The following HPSE2 variants were observed in gnomAD, a reference collection of about 807,000 sequenced individuals.
HPSE2 encodes inactive heparanase-2.
HPSE2 carries 38 observed loss-of-function variants against 60.5 expected under a neutral mutation model. The ratio of observed to expected loss-of-function variants is 0.63; its 90% confidence interval spans 0.48 to 0.82. HPSE2 has a LOEUF of 0.82. HPSE2 is among the 40% of genes least tolerant of loss of function. The pLI is 0.00. For missense variants in HPSE2, 713 were observed against 740.4 expected, an observed-to-expected ratio of 0.96 and a Z score of 0.43; for synonymous variants, 295 against 293.2, an observed-to-expected ratio of 1.01 and a Z score of -0.06.
intron 7 of HPSE2, among the ~76,000 whole-genome samples, chr10:98,624,585 C>T (rs553643862): frequency 4.6e-5 from 7 of 152,132 alleles, no homozygotes; most frequent in African/African-American, 1.7e-4. Flanking sequence ...CCTGCAGCTG[C>T]TATGAGATCA....
chr10:98,605,612 G>A (rs1945557725), intron 9 of HPSE2, among the ~76,000 whole-genome samples: 1 of 152,162 alleles, frequency 6.6e-6, no homozygotes, highest in South Asian at 2.1e-4. Context: ...ACCAAGTTCA[G>A]TCGGGGATCC....
intron 9 of HPSE2, among the ~76,000 whole-genome samples, chr10:98,533,217 G>A (rs1043004255): frequency 1.3e-5 from 2 of 152,174 alleles, no homozygotes; most frequent in Non-Finnish European, 2.9e-5. Context: ...AGCCAATGGC[G>A]AGGACTACAA....
At chr10:98,521,744 T>A (rs937329658) in intron 9 of HPSE2, among the ~76,000 whole-genome samples, 1 of 152,144 alleles carries the variant, frequency 6.6e-6, no homozygotes, top group Non-Finnish European at 1.5e-5. Flanking sequence ...CAAATGTCCA[T>A]CAATGATAGA....
chr10:98,474,673 C>T (rs1202605801), intron 11 of HPSE2, among the ~76,000 whole-genome samples: 1 of 152,064 alleles, frequency 6.6e-6, no homozygotes, highest in Non-Finnish European at 1.5e-5. Context: ...CATTTCTTCA[C>T]AGAATAGGCA....
chr10:98,482,495 A>G (rs1170926902), intron 11 of HPSE2, 141 bp downstream of exon 11: 13 of 969,614 alleles, frequency 1.3e-5, no homozygotes, highest in Non-Finnish European at 2.1e-5. Flanking sequence ...GTCAGCAGTC[A>G]CCTGACCCCA....
At chr10:98,597,835 G>C (rs546974076) in intron 9 of HPSE2, among the ~76,000 whole-genome samples, 1 of 151,518 alleles carries the variant, frequency 6.6e-6, no homozygotes, top group Non-Finnish European at 1.5e-5. Context: ...GCTGGGCATG[G>C]TGGTGCGTGG....
chr10:98,708,081 A>G (rs574587495), intron 5 of HPSE2, among the ~76,000 whole-genome samples: 2 of 152,310 alleles, frequency 1.3e-5, no homozygotes, highest in East Asian at 3.9e-4. Context: ...CTACTTGGGA[A>G]AAAAATTAAA....
the HPSE2 span, among the ~76,000 whole-genome samples, chr10:99,276,636 T>C: frequency 6.6e-6 from 1 of 152,066 alleles, no homozygotes; most frequent in African/African-American, 2.4e-5. Context: ...TCCCCATAAC[T>C]GATAAATAGG....
chr10:99,248,854 A>G, the HPSE2 span, among the ~76,000 whole-genome samples: 2 of 152,220 alleles, frequency 1.3e-5, no homozygotes, highest in African/African-American at 4.8e-5. Context: ...CATGGCTAAA[A>G]GAGCCCCAGA....
intron 7 of HPSE2, among the ~76,000 whole-genome samples, chr10:98,636,726 A>G (rs957516292): frequency 6.6e-6 from 1 of 152,366 alleles, no homozygotes; most frequent in Admixed American, 6.5e-5. Context: ...TCAAAATGCA[A>G]TAATATGGAC....
intron 3 of HPSE2, among the ~76,000 whole-genome samples, chr10:99,132,224 AGAGAG>A (rs1564833164): frequency 7.1e-5 from 3 of 42,028 alleles, no homozygotes; most frequent in African/African-American, 1.3e-4. Context: ...AGAGAGAGAG[AGAGAG>A]AGAGAGAGAG....
intron 3 of HPSE2, among the ~76,000 whole-genome samples, chr10:99,087,690 T>C (rs1259448903): frequency 5.3e-5 from 8 of 152,126 alleles, no homozygotes; most frequent in African/African-American, 1.9e-4. Flanking sequence ...GGGTCCACTA[T>C]TGTCCTGACG....
At chr10:98,475,120 AT>A (rs56097343) in intron 11 of HPSE2, among the ~76,000 whole-genome samples, 121 of 141,248 alleles carry the variant, frequency 8.6e-4, no homozygotes, top group Non-Finnish European at 7.5e-4. Context: ...CCACAATTCT[AT>A]TTTTTTTTTT....
At chr10:99,081,928 G>A (rs1048633900) in intron 3 of HPSE2, among the ~76,000 whole-genome samples, 1 of 152,088 alleles carries the variant, frequency 6.6e-6, no homozygotes, top group Non-Finnish European at 1.5e-5. Context: ...GAGCCACCCC[G>A]CCCAGCCGAT....
rs935943840 is a variant in HPSE2, at chr10:98,939,098, A to G, written c.611-195042T>C. ...CTCCTGAAGGAAGCACTAAACATGG[A>G]AAGGAACAACCAGTTCCAGCCACTG... On this transcript the variant is annotated intron_variant, in intron 3 of 11. Transcript: ENST00000370552. 3.5e-5 allele frequency among the ~76,000 whole-genome samples: 5 copies of G among 144,078 alleles called. 2 individuals carry two copies. The highest frequency in any genetic ancestry group is 1.4e-4 in the African/African-American group (5 of 35,478). 94.5% of individuals were successfully genotyped at this position (144,078 alleles called of 152,430 possible).
chr10:98,700,040 T>C (rs888902676), intron 5 of HPSE2, among the ~76,000 whole-genome samples: 2 of 151,750 alleles, frequency 1.3e-5, no homozygotes, highest in East Asian at 1.9e-4. Flanking sequence ...GTAGGAAGAA[T>C]CGATATCATG....
chr10:99,003,676 TTTCTC>T (rs1956826730), intron 3 of HPSE2, among the ~76,000 whole-genome samples: 1 of 152,074 alleles, frequency 6.6e-6, no homozygotes, highest in African/African-American at 2.4e-5. Context: ...TATTAATCAG[TTTCTC>T]TTCTTGCTAT....
intron 11 of HPSE2, among the ~76,000 whole-genome samples, chr10:98,470,636 C>T (rs1940740342): frequency 1.3e-5 from 2 of 152,234 alleles, no homozygotes; most frequent in Admixed American, 6.5e-5. Context: ...TCTCAGTCAG[C>T]CAGAACTGCC....
chr10:98,687,732 T>A (rs543272280), intron 6 of HPSE2, among the ~76,000 whole-genome samples: 41 of 152,298 alleles, frequency 2.7e-4, no homozygotes, highest in Non-Finnish European at 5.6e-4. Flanking sequence ...TCCTCCTTTT[T>A]TTGAAGCCTA....
Sources: allele counts gnomAD v4.1 joint callset (sites outside exome capture counted in the v4.1 genomes callset), GRCh38; gene constraint gnomAD v4.1.1; transcripts MANE v1.5; gene names NCBI Gene and HGNC (gene_info 2026-07-23, HGNC 2026-07-21).